Variants in UNC93B1 observed in about 807,000 individuals in gnomAD.
UNC93B1 encodes the protein protein unc-93 homolog B1.
Under a neutral mutation model 56.8 loss-of-function variants are expected in UNC93B1, and 33 were observed. The observed-to-expected ratio is 0.58, with a 90% CI of 0.44 to 0.78. The LOEUF (loss-of-function observed/expected upper bound fraction) is 0.78, where lower values mean the gene tolerates loss of function less well. UNC93B1 is among the 30% of genes least tolerant of loss of function. The pLI, the probability that UNC93B1 is intolerant of heterozygous loss-of-function variation, is 0.00. For missense variants in UNC93B1, 673 were observed against 819.5 expected (o/e 0.82, Z 2.18); for synonymous variants, 334 against 358.6 (o/e 0.93, Z 0.77).
At chr11:68,001,879 C>T (rs749622142) in intron 3 of UNC93B1, among the ~76,000 whole-genome samples, 1 of 152,096 alleles carries the variant, frequency 6.6e-6, no homozygotes, top group Non-Finnish European at 1.5e-5. Flanking sequence ...CACTGTGGCT[C>T]ATGCCTGTAA....
intron 8 of UNC93B1, chr11:67,996,128 T>C (rs540067184): frequency 6.5e-5 from 12 of 184,762 alleles, no homozygotes; most frequent in Admixed American, 4.9e-4. Flanking sequence ...GGGGGTGCCT[T>C]ACCCCCCTGC....
intron 9 of UNC93B1, 31 bp downstream of exon 9, chr11:67,995,580 C>G: frequency 1.5e-5 from 2 of 137,502 alleles, no homozygotes; most frequent in East Asian, 2.6e-4. Context: ...TGCCCCGCCC[C>G]CCCCCCCCCA....
At chr11:68,001,804 G>A (rs1052563205) in intron 3 of UNC93B1, among the ~76,000 whole-genome samples, 8 of 152,270 alleles carry the variant, frequency 5.3e-5, no homozygotes, top group Admixed American at 3.9e-4. Context: ...TTGCAAAGTC[G>A]TAACTGTGAA....
intron 10 of UNC93B1, 143 bp downstream of exon 10, chr11:67,993,533 C>A: frequency 1.6e-6 from 1 of 623,412 alleles, no homozygotes; most frequent in Admixed American, 2.4e-5. Context: ...GAGTTGGGGG[C>A]CACCCAGTGG....
chr11:67,991,741 C>CT lies in UNC93B1; in HGVS notation c.1598dup (p.His534AlafsTer184). The CT allele has an allele frequency of 6.5e-7, 1 of 1,538,552 alleles. No individual in the cohort carries two copies. The highest frequency in any genetic ancestry group is 8.7e-7 in the Non-Finnish European group (1 of 1,149,430). On this transcript the variant is annotated frameshift_variant, in exon 11 of 11. Transcript: ENST00000227471. LOFTEE classifies it low-confidence loss of function (END_TRUNC). ...AGTAGCGGTAACCGCGCACCTTGTG[C>CT]TGGGGCCGCGGGATGCGGGGCTGGC...
intron 6 of UNC93B1, among the ~76,000 whole-genome samples, chr11:67,998,100 G>A (rs1215635837): frequency 6.6e-6 from 1 of 152,186 alleles, no homozygotes; most frequent in Non-Finnish European, 1.5e-5. Flanking sequence ...AGCTCTGACT[G>A]TTTGCCTGGC....
chr11:68,003,609 C>G lies in UNC93B1; in HGVS notation c.238+48G>C, dbSNP rs777293717. On this transcript the variant is annotated intron_variant, in intron 2 of 10. Transcript: ENST00000227471. This position sits in a 1 kb window ranked among gnomAD's most constrained non-coding sequence, Gnocchi z 4.4. ...GGCCCGCGGTTTCTGTTTCCCGGGC[C>G]GGGCTGGGAGCGGGCGGGGCGGCCC... 1 of 1,484,892 alleles carries G rather than the reference C, an allele frequency of 6.7e-7. No homozygotes were observed. The highest frequency in any genetic ancestry group is 1.3e-5 in the South Asian group (1 of 79,344). The allele number at this position is 1,484,892 out of a possible 1,614,324, so 92.0% of individuals were successfully genotyped here.
chr11:67,997,671 G>T lies in UNC93B1; in HGVS notation c.906+4C>A. On this transcript the variant is annotated splice_donor_region_variant and intron_variant, in intron 7 of 10. Transcript: ENST00000227471. ...GACTGTCCTGCCCCCATCCCGGGCCGCACCAGCAGCATGGCCAGGAAGGCC... is the reference window on the plus strand; with the variant it reads ...GACTGTCCTGCCCCCATCCCGGGCCTCACCAGCAGCATGGCCAGGAAGGCC... 6 of 1,602,356 alleles carry T rather than the reference G, an allele frequency of 3.7e-6. No homozygotes were observed. The highest frequency in any genetic ancestry group is 5.1e-6 in the Non-Finnish European group (6 of 1,179,796).
intron 3 of UNC93B1, among the ~76,000 whole-genome samples, chr11:68,002,117 T>C (rs1030428797): frequency 6.7e-6 from 1 of 149,642 alleles, no homozygotes; most frequent in Non-Finnish European, 1.5e-5. Flanking sequence ...GCAGTCTAGG[T>C]GACAGAGCAA....
chr11:68,001,508 A>G (rs1001078952), intron 3 of UNC93B1, among the ~76,000 whole-genome samples: 3 of 150,964 alleles, frequency 2.0e-5, no homozygotes, highest in African/African-American at 7.3e-5. Flanking sequence ...AATCAGCCAG[A>G]TGTGATGGCG....
At chr11:67,994,985 C>T (rs1242150039) in intron 9 of UNC93B1, among the ~76,000 whole-genome samples, 2 of 152,192 alleles carry the variant, frequency 1.3e-5, no homozygotes, top group African/African-American at 4.8e-5. Context: ...GGCCCTGTTC[C>T]CCAGCAGCCC....
rs1565125316 is a variant in UNC93B1, at chr11:67,997,780, GA to G, written c.800del (p.Ile267ThrfsTer182). ...VQSCGTNSHGILSGFNKTVLR... is the reference protein window; with the variant it reads ...VQSCGTNSHGXLSGFNKTVLR... ...GAACCGTCTTGTTGAAGCCGCTGAG[GA>G]TCCCGTGGCTGTTGGTGCCTGGGAA... is the stretch of plus-strand genomic sequence containing the variant. On this transcript the variant is annotated frameshift_variant, in exon 7 of 11. Coordinates refer to ENST00000227471, the MANE Select transcript of UNC93B1 (RefSeq NM_030930.4). LOFTEE classifies it high-confidence loss of function. 6.2e-7 allele frequency: 1 copy of G among 1,609,210 alleles called. No individual in the cohort carries two copies. Among genetic ancestry groups the G allele is most frequent in the Non-Finnish European group, 8.5e-7 (1 of 1,179,636 alleles).
intron 8 of UNC93B1, 146 bp from the exon 9 acceptor site, chr11:67,996,030 C>A (rs1856941075): frequency 1.7e-6 from 1 of 577,690 alleles, no homozygotes; most frequent in Non-Finnish European, 2.7e-6. Flanking sequence ...TTACTCCCCG[C>A]ATCGTGGGGG....
Position 67,996,763 on chromosome 11 carries a change from C to G in UNC93B1, c.928G>C (p.Ala310Pro). 6.4e-7 allele frequency: 1 copy of G among 1,560,196 alleles called. No individual in the cohort carries two copies. Among genetic ancestry groups the G allele is most frequent in the Non-Finnish European group, 8.7e-7 (1 of 1,151,304 alleles). ...TCGATCTCCTCCGTGGGCCGGTAAG[C>G]GGCTCCGCACAAACCCAGCACCTGC... The part of the protein sequence containing the change: ...MLLVLGLCGA[A>P]YRPTEEIDLR... Residue 310 changes from alanine to proline, a missense_variant, in exon 8 of 11, where the codon GCT becomes CCT. This residue lies in a region of UNC93B1 where 438 missense variants were observed against 465.9 expected (regional missense o/e 0.94). Transcript: ENST00000227471.
intron 3 of UNC93B1, 126 bp from the exon 4 acceptor site, chr11:67,999,806 C>T: frequency 7.7e-7 from 1 of 1,290,708 alleles, no homozygotes; most frequent in Non-Finnish European, 1.1e-6. Flanking sequence ...GTCGAGGGCA[C>T]TGAGATGGAA....
rs539072978 is a variant in UNC93B1 at position 67,998,250 on chromosome 11, C to T, written c.781+109G>A. The T allele has an allele frequency of 3.2e-3, 4,034 of 1,279,672 alleles. 10 individuals are homozygous for T. The highest frequency in any genetic ancestry group is 4.8e-3 in the Admixed American group (277 of 58,262). 79.3% of individuals were successfully genotyped at this position (1,279,672 alleles called of 1,614,324 possible). On this transcript the variant is annotated intron_variant, in intron 6 of 10. Transcript: ENST00000227471. ...GGCCCTGTGTCTTGCCCACCAGAGCCGTGGGGCACTGGGCTGCCAGCCCTG... is the reference window on the plus strand; with the variant it reads ...GGCCCTGTGTCTTGCCCACCAGAGCTGTGGGGCACTGGGCTGCCAGCCCTG...
At chr11:67,995,199 T>C (rs1330883537) in intron 9 of UNC93B1, among the ~76,000 whole-genome samples, 2 of 152,234 alleles carry the variant, frequency 1.3e-5, no homozygotes, top group Non-Finnish European at 1.5e-5. Context: ...TGTCCCCTGG[T>C]ATGAAAAGGG....
chr11:67,997,553 C>T, intron 7 of UNC93B1, 122 bp downstream of exon 7: 1 of 1,517,796 alleles, frequency 6.6e-7, no homozygotes, highest in Non-Finnish European at 8.9e-7. Flanking sequence ...AGGCCTACGG[C>T]CTGCCCCGAG....
Position 68,003,528 on chromosome 11 carries a change from C to G in UNC93B1, c.238+129G>C, listed in dbSNP as rs1166347398. The G allele has an allele frequency of 2.3e-6, 3 of 1,321,182 alleles. No homozygotes were observed. The African/African-American group carries it at 4.7e-5, about 21-fold the overall frequency. 81.8% of individuals were successfully genotyped at this position (1,321,182 alleles called of 1,614,324 possible). A position where few individuals can be genotyped will look rare whatever the true frequency, so the allele number is the denominator to read the frequency against. On this transcript the variant is annotated intron_variant, in intron 2 of 10. Coordinates refer to ENST00000227471, the MANE Select transcript of UNC93B1 (RefSeq NM_030930.4). The surrounding 1 kb of genome is among the most constrained non-coding windows in gnomAD (Gnocchi z 4.4). The stretch of plus-strand genomic sequence containing the variant: ...CCAACCCCACCCCCGCCGCGGGGGG[C>G]CGTGGCTGCAGCTGCGAGGGCAGCG...
Sources: gnomAD v4.1 joint callset for allele counts (sites outside exome capture counted in the v4.1 genomes callset) on GRCh38, gnomAD v4.1.1 for gene constraint, gnomAD v4.1.1 regional missense constraint, Gnocchi (gnomAD v3.1) non-coding constraint, MANE v1.5 for transcripts, NCBI Gene and HGNC (gene_info 2026-07-23, HGNC 2026-07-21) for gene names.